Variants in IQSEC1 observed in about 807,000 individuals in gnomAD.
IQSEC1 encodes IQ motif and Sec7 domain ArfGEF 1, also known as IQ motif and SEC7 domain-containing protein 1.
In IQSEC1, 31 loss-of-function variants were observed where a neutral mutation model predicts 91.0. That is an observed-to-expected ratio of 0.34 (90% CI 0.26 to 0.46). The LOEUF is 0.46. Among genes scored for constraint, IQSEC1 ranks in the 20% least tolerant of loss-of-function variants. IQSEC1 has a pLI of 1.00. For missense variants in IQSEC1, 1,388 were observed against 1,575.6 expected (o/e 0.88, Z 2.02); for synonymous variants, 699 against 662.6 (o/e 1.05, Z -0.84).
exon 1 of IQSEC1, among the ~76,000 whole-genome samples, chr3:13,283,029 G>GGGC (rs1458790722): frequency 3.4e-5 from 5 of 145,404 alleles, no homozygotes; most frequent in African/African-American, 7.4e-5. Context: ...GCGGGCGGCG[G>GGGC]GGCGGCGGCG....
At chr3:13,107,870 C>T (rs887517369) in intron 2 of IQSEC1, among the ~76,000 whole-genome samples, 8 of 152,360 alleles carry the variant, frequency 5.3e-5, no homozygotes, top group African/African-American at 1.9e-4. Context: ...TGCTCCCTCC[C>T]CAGGGCACTT....
rs367977217 is a variant in IQSEC1, at chr3:13,271,376, C to CA, written c.272+11334dup. 6.1e-4 allele frequency among the ~76,000 whole-genome samples: 92 copies of CA among 151,238 alleles called. 1 individual carries two copies. The highest frequency in any genetic ancestry group is 1.9e-3 in the African/African-American group (80 of 41,210). On this transcript the variant is annotated intron_variant, in intron 1 of 15. Transcript: ENST00000648114. ...TGGGTGACACAGCAAGACTCCGTCTCAAAAAAAATAAAAAAGAAAAAGAAG... is the reference window on the plus strand; with the variant it reads ...TGGGTGACACAGCAAGACTCCGTCTCAAAAAAAAATAAAAAAGAAAAAGAAG...
chr3:13,101,986 G>C (rs1267589182), intron 2 of IQSEC1, among the ~76,000 whole-genome samples: 1 of 152,036 alleles, frequency 6.6e-6, no homozygotes, highest in East Asian at 1.9e-4. Context: ...CCACTCATGA[G>C]CCATCGATTA....
intron 2 of IQSEC1, among the ~76,000 whole-genome samples, chr3:13,143,503 C>G (rs796778869): frequency 1.2e-4 from 19 of 152,336 alleles, no homozygotes; most frequent in African/African-American, 4.6e-4. Context: ...TCAGCCATCA[C>G]GCCATCTCCC....
At chr3:13,225,983 C>T (rs973175447) in intron 1 of IQSEC1, among the ~76,000 whole-genome samples, 1 of 151,910 alleles carries the variant, frequency 6.6e-6, no homozygotes, top group African/African-American at 2.4e-5. Context: ...GGGTTCAAGT[C>T]AATTCTCCTG....
chr3:13,051,360 T>C (rs1272303655), intron 1 of IQSEC1, among the ~76,000 whole-genome samples: 3 of 152,196 alleles, frequency 2.0e-5, no homozygotes, highest in Non-Finnish European at 4.4e-5. Context: ...GCACTGCTTC[T>C]AAACAGCACC....
intron 2 of IQSEC1, among the ~76,000 whole-genome samples, chr3:13,163,798 T>C (rs1015445598): frequency 1.3e-5 from 2 of 152,072 alleles, no homozygotes; most frequent in East Asian, 3.9e-4. Context: ...GTCACAGCCT[T>C]GGCACACTGG....
chr3:13,088,333 C>T (rs1205454145), intron 2 of IQSEC1, among the ~76,000 whole-genome samples: 2 of 152,194 alleles, frequency 1.3e-5, no homozygotes, highest in Non-Finnish European at 2.9e-5. Flanking sequence ...CTCGCTTGAC[C>T]TCTGCTCACT....
intron 1 of IQSEC1, among the ~76,000 whole-genome samples, chr3:13,277,940 C>T (rs1320430472): frequency 2.0e-5 from 3 of 152,110 alleles, no homozygotes; most frequent in Non-Finnish European, 4.4e-5. Flanking sequence ...ATCAGGGGCT[C>T]CCGGCAGGAC....
At chr3:13,152,747 G>A (rs1419263394) in intron 2 of IQSEC1, among the ~76,000 whole-genome samples, 2 of 152,082 alleles carry the variant, frequency 1.3e-5, no homozygotes, top group African/African-American at 2.4e-5. Context: ...GGCTGGCGCC[G>A]TAATCTCAGC....
chr3:13,108,602 G>T (rs1387914171), intron 2 of IQSEC1, among the ~76,000 whole-genome samples: 1 of 152,038 alleles, frequency 6.6e-6, no homozygotes, highest in African/African-American at 2.4e-5. Flanking sequence ...TAGACTTGGT[G>T]GGCAAGTCAG....
chr3:12,954,307 G>C (rs1276738871), intron 1 of IQSEC1, among the ~76,000 whole-genome samples: 1 of 152,174 alleles, frequency 6.6e-6, no homozygotes, highest in African/African-American at 2.4e-5. Flanking sequence ...GGGGATGAGA[G>C]GGCAGCCCCT....
At chr3:13,255,179 CT>C (rs996970075) in intron 1 of IQSEC1, among the ~76,000 whole-genome samples, 14 of 152,352 alleles carry the variant, frequency 9.2e-5, no homozygotes, top group African/African-American at 3.4e-4. Flanking sequence ...ACACGCATGG[CT>C]GACCACCCCC....
intron 2 of IQSEC1, among the ~76,000 whole-genome samples, chr3:13,082,969 AGGCAC>A (rs1471090852): frequency 2.0e-5 from 3 of 152,162 alleles, no homozygotes; most frequent in Non-Finnish European, 4.4e-5. Context: ...TTGTGGCTCC[AGGCAC>A]GGCAGAGTGT....
At chr3:12,938,775 C>G (rs751964984) in intron 2 of IQSEC1, among the ~76,000 whole-genome samples, 3 of 152,142 alleles carry the variant, frequency 2.0e-5, no homozygotes, top group Non-Finnish European at 4.4e-5. Flanking sequence ...GGCTCCGGAC[C>G]TCGCAGACCA....
intron 1 of IQSEC1, among the ~76,000 whole-genome samples, chr3:12,964,299 TACACACACAC>T (rs3072719): frequency 6.7e-6 from 1 of 149,800 alleles, no homozygotes; most frequent in African/African-American, 2.5e-5. Flanking sequence ...ATACTCCCCC[TACACACACAC>T]ACACACACAC....
chr3:12,902,867 C>CAGCACCCCCAGCCTCA, intron 12 of IQSEC1, 45 bp from the exon 13 acceptor site: 2 of 1,448,678 alleles, frequency 1.4e-6, no homozygotes, highest in Non-Finnish European at 1.9e-6. Flanking sequence ...GGACATGAGG[C>CAGCACCCCCAGCCTCA]TGGGGGTGCT....
At chr3:12,948,175 CTAAT>C (rs1699307951) in intron 1 of IQSEC1, among the ~76,000 whole-genome samples, 2 of 152,208 alleles carry the variant, frequency 1.3e-5, no homozygotes, top group African/African-American at 2.4e-5. Context: ...CTTAGTGGAG[CTAAT>C]TAATACAGTG....
chr3:13,092,892 C>G (rs1205324709), intron 2 of IQSEC1, among the ~76,000 whole-genome samples: 1 of 152,182 alleles, frequency 6.6e-6, no homozygotes, highest in Non-Finnish European at 1.5e-5. Context: ...GGGGCCTTTG[C>G]CCTTGCTGTT....
Sources: gnomAD v4.1 joint callset for allele counts (sites outside exome capture counted in the v4.1 genomes callset) on GRCh38, gnomAD v4.1.1 for gene constraint, MANE v1.5 for transcripts, NCBI Gene and HGNC (gene_info 2026-07-23, HGNC 2026-07-21) for gene names.